PDE3B: variants seen among roughly 807,000 people sequenced by gnomAD.
The protein encoded by PDE3B is phosphodiesterase 3B.
A neutral mutation model predicts 116.8 loss-of-function variants in PDE3B; 66 were observed. The observed-to-expected ratio is 0.56, with a 90% CI of 0.46 to 0.69. The LOEUF (loss-of-function observed/expected upper bound fraction) is 0.69, where lower values mean the gene tolerates loss of function less well. Ranked by LOEUF, PDE3B falls within the 30% of genes least tolerant of loss-of-function variation. The pLI, the probability that PDE3B is intolerant of heterozygous loss-of-function variation, is 0.00. For synonymous variants in PDE3B, 595 were observed against 533.6 expected (o/e 1.12, Z -1.59); for missense variants, 1,384 against 1,368.1 (o/e 1.01, Z -0.18).
Position 14,645,573 on chromosome 11 carries a change from C to T in PDE3B, c.978+520C>T, listed in dbSNP as rs923560762. ...AATCTGAGATTTTATCGTTACAAGA[C>T]ATGAGCTTTGCAAATGAGAGTAATT... On this transcript the variant is annotated intron_variant, in intron 1 of 15. Transcript: ENST00000282096. Among the ~76,000 whole-genome samples, 12 of 152,272 alleles carry T rather than the reference C, an allele frequency of 7.9e-5. 1 individual carries two copies. The South Asian group carries it at 1.7e-3, about 21-fold the overall frequency.
chr11:14,679,686 C>A (rs1185984261), intron 1 of PDE3B, among the ~76,000 whole-genome samples: 1 of 151,702 alleles, frequency 6.6e-6, no homozygotes, highest in Non-Finnish European at 1.5e-5. Context: ...GTTCCTGATC[C>A]CTACATGTGG....
intron 1 of PDE3B, among the ~76,000 whole-genome samples, chr11:14,715,858 A>G (rs1291601909): frequency 6.6e-6 from 1 of 152,222 alleles, no homozygotes; most frequent in Non-Finnish European, 1.5e-5. Flanking sequence ...CTTGGAACCA[A>G]GCCAAATGTC....
chr11:14,825,868 C>T (rs2133957236), intron 7 of PDE3B, among the ~76,000 whole-genome samples: 1 of 150,816 alleles, frequency 6.6e-6, no homozygotes, highest in South Asian at 2.1e-4. Context: ...TTCTAAAATC[C>T]ATCAGACAAC....
rs1401096510 is a variant in PDE3B at position 14,831,669 on chromosome 11, T to A, written c.1986T>A (p.Ile662=). 3.1e-6 allele frequency: 5 copies of A among 1,591,560 alleles called. No homozygotes were observed. Among genetic ancestry groups the A allele is most frequent in the Non-Finnish European group, 3.4e-6 (4 of 1,166,810 alleles). ...NIEQEVSLDL[I]LVEEYDSLIE... is the part of the protein sequence containing the mutation. ...AACAGGAAGTATCACTGGACCTGATTTTAGTAGAAGAGTATGACTCATTAA... is the reference window on the plus strand; with the variant it reads ...AACAGGAAGTATCACTGGACCTGATATTAGTAGAAGAGTATGACTCATTAA... The change falls in exon 9 of 16, where the codon ATT becomes ATA. Residue 662 remains isoleucine, a synonymous_variant. Transcript: ENST00000282096.
chr11:14,717,593 A>G, intron 1 of PDE3B, among the ~76,000 whole-genome samples: 1 of 83,842 alleles, frequency 1.2e-5, no homozygotes, highest in Non-Finnish European at 2.4e-5. Flanking sequence ...CCTACAAGCC[A>G]GAAGAGAGTG....
intron 10 of PDE3B, among the ~76,000 whole-genome samples, chr11:14,834,700 G>A (rs1031209702): frequency 1.3e-5 from 2 of 152,148 alleles, no homozygotes; most frequent in African/African-American, 4.8e-5. Flanking sequence ...ATTTTTGAAA[G>A]CCAGAAAATA....
intron 1 of PDE3B, 146 bp from the exon 2 acceptor site, chr11:14,771,791 G>T: frequency 2.7e-6 from 1 of 373,060 alleles, no homozygotes. Flanking sequence ...ATATTCTGTC[G>T]AGATAATTTT....
chr11:14,653,356 A>G lies in PDE3B; in HGVS notation c.978+8303A>G, dbSNP rs534775037. Among the ~76,000 whole-genome samples, 23 of 152,340 alleles carry G rather than the reference A, an allele frequency of 1.5e-4. No individual in the cohort carries two copies. The East Asian group carries it at 4.4e-3, about 29-fold the overall frequency. ...TTCCTACAGATAAAATCCCAAGGAAATTCAGCAGTGCCTAGTCAAAAATCC... is the reference window on the plus strand; with the variant it reads ...TTCCTACAGATAAAATCCCAAGGAAGTTCAGCAGTGCCTAGTCAAAAATCC... On this transcript the variant is annotated intron_variant, in intron 1 of 15. Coordinates refer to ENST00000282096, the MANE Select transcript of PDE3B (RefSeq NM_000922.4).
chr11:14,668,611 C>T (rs976503641), intron 1 of PDE3B, among the ~76,000 whole-genome samples: 1 of 152,070 alleles, frequency 6.6e-6, no homozygotes, highest in Non-Finnish European at 1.5e-5. Flanking sequence ...GGATGATATC[C>T]TACCCATTTA....
At chr11:14,782,132 C>T (rs1858024240) in intron 2 of PDE3B, among the ~76,000 whole-genome samples, 1 of 152,136 alleles carries the variant, frequency 6.6e-6, no homozygotes, top group South Asian at 2.1e-4. Flanking sequence ...AGGAGAACTA[C>T]AAACCACTGC....
the PDE3B span, chr11:14,880,675 A>G: frequency 6.3e-7 from 1 of 1,598,228 alleles, no homozygotes; most frequent in Admixed American, 1.8e-5. Flanking sequence ...TTTAGATTCA[A>G]AAGACTTTTG....
intron 1 of PDE3B, among the ~76,000 whole-genome samples, chr11:14,753,004 G>A (rs1317752047): frequency 6.6e-6 from 1 of 151,958 alleles, no homozygotes; most frequent in African/African-American, 2.4e-5. Context: ...TAGTCTTCAG[G>A]TATTAAGGAA....
At chr11:14,670,145 T>C (rs1811636728) in intron 1 of PDE3B, among the ~76,000 whole-genome samples, 1 of 152,140 alleles carries the variant, frequency 6.6e-6, no homozygotes, top group East Asian at 1.9e-4. Flanking sequence ...AGAGTGGGGC[T>C]TTCAGTTAAG....
intron 12 of PDE3B, among the ~76,000 whole-genome samples, chr11:14,857,311 CTTCA>C (rs1227360234): frequency 3.3e-5 from 5 of 152,190 alleles, no homozygotes; most frequent in Admixed American, 6.5e-5. Context: ...AGAGCTGAGG[CTTCA>C]TTATCTGTTT....
At chr11:14,890,756 G>C in the PDE3B span, 10 of 580,444 alleles carry the variant, frequency 1.7e-5, no homozygotes, top group Non-Finnish European at 2.2e-5. Context: ...CACCGTGTTA[G>C]CCACGACGGT....
chr11:14,725,301 CTTTCTTTCTCTT>C (rs1227492191), intron 1 of PDE3B, among the ~76,000 whole-genome samples: 4 of 118,972 alleles, frequency 3.4e-5, no homozygotes, highest in Admixed American at 2.8e-4. Flanking sequence ...TTCTTTCTTT[CTTTCTTTCTCTT>C]TCTTTCTTTC....
intron 1 of PDE3B, among the ~76,000 whole-genome samples, chr11:14,709,816 A>G (rs542372419): frequency 6.6e-6 from 1 of 152,108 alleles, no homozygotes; most frequent in Non-Finnish European, 1.5e-5. Flanking sequence ...TGTTGTTTTC[A>G]GTTATATATG....
In PDE3B at chr11:14,644,039, G is replaced by T. The variant is rs763163508; in HGVS notation, c.-37G>T. The T allele has an allele frequency of 1.4e-6, 2 of 1,439,000 alleles. No individual in the cohort carries two copies. The highest frequency in any genetic ancestry group is 2.7e-5 in the East Asian group (1 of 36,824). The allele number at this position is 1,439,000 out of a possible 1,614,324, so 89.1% of individuals were successfully genotyped here. ...CGAGCGGCCGCTACGGTACGAGCGG[G>T]GTGTGCTGAGTCCCGTGGCCACCCC... is the stretch of plus-strand genomic sequence containing the variant. On this transcript the variant is annotated 5_prime_UTR_variant, in exon 1 of 16. Transcript: ENST00000282096.
At chr11:14,734,253 G>T (rs1856537285) in intron 1 of PDE3B, among the ~76,000 whole-genome samples, 1 of 151,936 alleles carries the variant, frequency 6.6e-6, no homozygotes, top group Non-Finnish European at 1.5e-5. Context: ...TAATTTTTTT[G>T]TACAATTGGG....
Sources: gnomAD v4.1 joint callset for allele counts (sites outside exome capture counted in the v4.1 genomes callset) on GRCh38, gnomAD v4.1.1 for gene constraint, MANE v1.5 for transcripts, NCBI Gene and HGNC (gene_info 2026-07-23, HGNC 2026-07-21) for gene names.